LCORL: variants seen among roughly 807,000 people sequenced by gnomAD.
LCORL encodes the protein ligand-dependent nuclear receptor corepressor-like protein.
A neutral mutation model predicts 141.8 loss-of-function variants in LCORL; 41 were observed. That is an observed-to-expected ratio of 0.29 (90% confidence interval 0.23 to 0.38). The LOEUF (loss-of-function observed/expected upper bound fraction) is 0.38, where lower values mean the gene tolerates loss of function less well. LCORL is among the 10% of genes least tolerant of loss of function. The pLI is 1.00. For synonymous variants in LCORL, 618 were observed against 694.1 expected, an observed-to-expected ratio of 0.89 and a Z score of 1.72; for missense variants, 1,759 against 2,035.0, an observed-to-expected ratio of 0.86 and a Z score of 2.61.
At chr4:18,007,668 G>C (rs1249281068) in intron 1 of LCORL, among the ~76,000 whole-genome samples, 1 of 152,100 alleles carries the variant, frequency 6.6e-6, no homozygotes, top group Admixed American at 6.5e-5. Context: ...GATTTTAGCA[G>C]ATGGCCATGC....
chr4:17,864,319 G>C (rs1429512429), intron 7 of LCORL, among the ~76,000 whole-genome samples: 1 of 152,020 alleles, frequency 6.6e-6, no homozygotes, highest in Admixed American at 6.6e-5. Context: ...CCACCTCCCA[G>C]ACTCAAGTGA....
At chr4:17,941,594 C>A in intron 4 of LCORL, among the ~76,000 whole-genome samples, 1 of 152,182 alleles carries the variant, frequency 6.6e-6, no homozygotes. Flanking sequence ...ATATATTCCA[C>A]CATGCAAGAC....
chr4:17,887,470 T>A lies in LCORL; in HGVS notation c.683-1309A>T, dbSNP rs1342849122. On this transcript the variant is annotated intron_variant, in intron 5 of 7. Coordinates refer to ENST00000635767, the Ensembl canonical transcript of LCORL. ...AACAGGGCCCTGAATAAGGTGAGGA[T>A]CACCAACTAATCAGATACATGGGAG... 2.0e-5 allele frequency among the ~76,000 whole-genome samples: 3 copies of A among 152,008 alleles called. No homozygotes were observed. In the East Asian group the frequency reaches 5.8e-4, roughly 29 times the overall value.
chr4:17,875,427 T>C, exon 7 of LCORL: 1 of 1,231,390 alleles, frequency 8.1e-7, no homozygotes, highest in Non-Finnish European at 1.0e-6. Flanking sequence ...AATTTTGTCT[T>C]CACTAATATT....
intron 1 of LCORL, among the ~76,000 whole-genome samples, chr4:17,987,814 C>G (rs1719259637): frequency 6.6e-6 from 1 of 152,158 alleles, no homozygotes; most frequent in Non-Finnish European, 1.5e-5. Flanking sequence ...AAATTTTTTG[C>G]CCATTTTTCA....
At chr4:17,903,389 A>G (rs1236584927) in intron 5 of LCORL, among the ~76,000 whole-genome samples, 1 of 152,054 alleles carries the variant, frequency 6.6e-6, no homozygotes, top group Admixed American at 6.6e-5. Flanking sequence ...AGGATTGCCT[A>G]TGCTTCATAG....
At chr4:17,865,498 GTC>G (rs1230034837) in intron 7 of LCORL, among the ~76,000 whole-genome samples, 1 of 152,072 alleles carries the variant, frequency 6.6e-6, no homozygotes, top group Non-Finnish European at 1.5e-5. Flanking sequence ...CAGCCAACAT[GTC>G]TCTAAATAAT....
In LCORL at chr4:17,934,147, T is replaced by C. The variant is rs751797622; in HGVS notation, c.431-24802A>G. Among the ~76,000 whole-genome samples the C allele has an allele frequency of 4.7e-4, 72 of 152,236 alleles. 1 individual carries two copies. The highest frequency in any genetic ancestry group is 5.9e-4 in the Admixed American group (9 of 15,294). ...TTATGCATGATACTGTAATGAAGGATACATGACTGTGTATTTGGCAAATCC... is the reference window on the plus strand; with the variant it reads ...TTATGCATGATACTGTAATGAAGGACACATGACTGTGTATTTGGCAAATCC... On this transcript the variant is annotated intron_variant, in intron 4 of 7. Coordinates refer to ENST00000635767, the Ensembl canonical transcript of LCORL.
intron 4 of LCORL, among the ~76,000 whole-genome samples, chr4:17,909,980 T>C (rs1004756279): frequency 9.2e-5 from 14 of 152,178 alleles, no homozygotes; most frequent in African/African-American, 2.9e-4. Context: ...TTTTACTTTA[T>C]TTTTATTTGT....
chr4:18,014,783 G>C (rs1482523076), intron 1 of LCORL, among the ~76,000 whole-genome samples: 1 of 152,184 alleles, frequency 6.6e-6, no homozygotes, highest in Non-Finnish European at 1.5e-5. Flanking sequence ...AGTTTTCTAT[G>C]GGTAGCAGTA....
At chr4:18,006,550 A>C (rs1456438789) in intron 1 of LCORL, among the ~76,000 whole-genome samples, 1 of 152,162 alleles carries the variant, frequency 6.6e-6, no homozygotes, top group Non-Finnish European at 1.5e-5. Flanking sequence ...TACAAAAGAA[A>C]GAGGTTTATG....
intron 7 of LCORL, among the ~76,000 whole-genome samples, chr4:17,854,532 C>T (rs1356701249): frequency 1.3e-5 from 2 of 151,992 alleles, no homozygotes; most frequent in East Asian, 1.9e-4. Flanking sequence ...ACAGATAATA[C>T]AATCGTTTAA....
intron 6 of LCORL, chr4:17,880,495 C>A (rs1005817861): frequency 1.1e-6 from 1 of 942,996 alleles, no homozygotes; most frequent in Non-Finnish European, 1.3e-6. Flanking sequence ...ATCCATTTTG[C>A]CCACTAGAAA....
exon 7 of LCORL, chr4:17,875,665 T>G (rs1241945986): frequency 8.1e-7 from 1 of 1,231,248 alleles, no homozygotes; most frequent in African/African-American, 1.6e-5. Context: ...CAAACAGTGA[T>G]GTTTGTTTGA....
intron 4 of LCORL, among the ~76,000 whole-genome samples, chr4:17,958,592 G>A (rs1367108719): frequency 6.6e-6 from 1 of 151,898 alleles, no homozygotes; most frequent in African/African-American, 2.4e-5. Context: ...CAAACAAACT[G>A]GCTGATATTC....
intron 1 of LCORL, among the ~76,000 whole-genome samples, chr4:17,974,107 A>G (rs1396539301): frequency 6.6e-6 from 1 of 152,050 alleles, no homozygotes; most frequent in Non-Finnish European, 1.5e-5. Flanking sequence ...AAATCCTTCT[A>G]TAGAAGGGTT....
At position 18,021,708 on chromosome 4, in the gene LCORL, GCA is replaced by G; in HGVS notation, c.42_43del (p.Ala15CysfsTer39). ...CTGAGCGGCGGCGGCGGCGGCGGCA[GCA>G]GCGGCGGCGGCAGCGGCCATTCTCT... On this transcript the variant is annotated frameshift_variant, in exon 1 of 8. Coordinates refer to ENST00000635767, the Ensembl canonical transcript of LCORL. LOFTEE classifies it high-confidence loss of function. This position sits in a 1 kb window ranked among gnomAD's most constrained non-coding sequence, Gnocchi z 5.5. 7.9e-6 allele frequency: 12 copies of G among 1,527,366 alleles called. No individual in the cohort carries two copies. The highest frequency in any genetic ancestry group is 1.1e-5 in the Non-Finnish European group (12 of 1,137,662). The allele number at this position is 1,527,366 out of a possible 1,614,324, so 94.6% of individuals were successfully genotyped here.
exon 7 of LCORL, chr4:17,875,637 C>T: frequency 8.1e-7 from 1 of 1,231,160 alleles, no homozygotes; most frequent in Admixed American, 4.2e-5. Context: ...CCTTCCAGCA[C>T]TAAAGGGCTC....
rs150388361 is a variant in LCORL, at chr4:17,975,808, T to C, written c.155-2923A>G. On this transcript the variant is annotated intron_variant, in intron 1 of 7. Coordinates refer to ENST00000635767, the Ensembl canonical transcript of LCORL. ...AGCATATGATATACACTGGTGAATA[T>C]TCCATGTAACACGGAAAAGAATATG... 5.2e-3 allele frequency among the ~76,000 whole-genome samples: 799 copies of C among 152,326 alleles called. 25 individuals are homozygous for C. Among genetic ancestry groups the C allele is most frequent in the Admixed American group, 0.045 (681 of 15,288 alleles).
Sources: allele counts gnomAD v4.1 joint callset (sites outside exome capture counted in the v4.1 genomes callset), GRCh38; gene constraint gnomAD v4.1.1; non-coding constraint Gnocchi (gnomAD v3.1); transcripts MANE v1.5; gene names NCBI Gene and HGNC (gene_info 2026-07-23, HGNC 2026-07-21).